ROBO2: variants seen among roughly 807,000 people sequenced by gnomAD.
ROBO2 encodes the protein roundabout guidance receptor 2, also known as roundabout homolog 2.
ROBO2 carries 53 observed loss-of-function variants against 160.8 expected under a neutral mutation model. That is an observed-to-expected ratio of 0.33 (90% CI 0.26 to 0.41). The LOEUF is 0.41. ROBO2 is among the 10% of genes least tolerant of loss of function. The pLI, the probability that ROBO2 is intolerant of heterozygous loss-of-function variation, is 1.00. For synonymous variants in ROBO2, 664 were observed against 611.7 expected (o/e 1.09, Z -1.26); for missense variants, 1,577 against 1,722.4 (o/e 0.92, Z 1.49).
chr3:77,092,292 G>T (rs1256329883), intron 1 of ROBO2: 1 of 151,310 alleles, frequency 6.6e-6, no homozygotes, highest in Non-Finnish European at 1.5e-5. Flanking sequence ...CTTAGAAGAG[G>T]TCTTTGGAAT....
At chr3:77,394,992 CAG>C (rs1336061698) in intron 2 of ROBO2, among the ~76,000 whole-genome samples, 1 of 152,136 alleles carries the variant, frequency 6.6e-6, no homozygotes, top group Non-Finnish European at 1.5e-5. Flanking sequence ...CTCATATTAA[CAG>C]AGTGTTTACA....
chr3:75,925,444 A>G (rs372223941), intron 1 of ROBO2, among the ~76,000 whole-genome samples: 8 of 152,142 alleles, frequency 5.3e-5, no homozygotes, highest in South Asian at 2.1e-4. Flanking sequence ...GAAGGCTACT[A>G]AAGTCATCTA....
intron 2 of ROBO2, among the ~76,000 whole-genome samples, chr3:76,126,304 G>T (rs2070985468): frequency 6.6e-6 from 1 of 152,010 alleles, no homozygotes; most frequent in Non-Finnish European, 1.5e-5. Flanking sequence ...ATTTTGGATG[G>T]CTTCTTAGGA....
chr3:77,464,947 G>T, intron 2 of ROBO2, among the ~76,000 whole-genome samples: 1 of 152,110 alleles, frequency 6.6e-6, no homozygotes, highest in East Asian at 1.9e-4. Flanking sequence ...AGAAATTACT[G>T]AATCTGTATA....
intron 2 of ROBO2, among the ~76,000 whole-genome samples, chr3:76,018,159 A>C (rs2066458120): frequency 6.6e-6 from 1 of 152,052 alleles, no homozygotes; most frequent in Admixed American, 6.6e-5. Context: ...GCAATAGTTA[A>C]AAGGAATAAA....
chr3:77,635,698 A>C (rs2095252215), intron 24 of ROBO2, among the ~76,000 whole-genome samples: 1 of 152,178 alleles, frequency 6.6e-6, no homozygotes, highest in East Asian at 1.9e-4. Flanking sequence ...TCGGTACAGA[A>C]ACACGCTGCA....
At chr3:76,402,602 A>G (rs757978306) in intron 2 of ROBO2, among the ~76,000 whole-genome samples, 3 of 151,590 alleles carry the variant, frequency 2.0e-5, no homozygotes, top group Non-Finnish European at 4.4e-5. Context: ...GGTCTAAGGA[A>G]GAACCCGTTT....
At chr3:77,524,243 G>T (rs1279253675) in intron 6 of ROBO2, among the ~76,000 whole-genome samples, 1 of 150,264 alleles carries the variant, frequency 6.7e-6, no homozygotes, top group Non-Finnish European at 1.5e-5. Flanking sequence ...TTCTTCATTA[G>T]TTAACAGGTC....
At chr3:77,293,236 A>T (rs1367555297) in intron 2 of ROBO2, among the ~76,000 whole-genome samples, 1 of 151,770 alleles carries the variant, frequency 6.6e-6, no homozygotes, top group African/African-American at 2.4e-5. Flanking sequence ...ATCACCCCAG[A>T]CATAAAGTAA....
chr3:75,992,066 GT>G (rs2065588694), intron 2 of ROBO2, among the ~76,000 whole-genome samples: 2 of 152,118 alleles, frequency 1.3e-5, no homozygotes. Context: ...GAGCATAAAA[GT>G]TTGGAAAATT....
chr3:76,368,971 A>G (rs1199310856), intron 2 of ROBO2, among the ~76,000 whole-genome samples: 1 of 151,988 alleles, frequency 6.6e-6, no homozygotes, highest in Non-Finnish European at 1.5e-5. Context: ...ACAAAAATGG[A>G]AACAAAACAA....
chr3:76,725,698 G>A (rs1019846597), intron 2 of ROBO2, among the ~76,000 whole-genome samples: 6 of 152,172 alleles, frequency 3.9e-5, no homozygotes, highest in Non-Finnish European at 8.8e-5. Flanking sequence ...AGCAGCCAAA[G>A]TTCTAGTTGG....
intron 2 of ROBO2, among the ~76,000 whole-genome samples, chr3:77,388,312 G>C (rs1457848275): frequency 1.3e-5 from 2 of 152,142 alleles, no homozygotes; most frequent in Non-Finnish European, 2.9e-5. Flanking sequence ...TACTCAGGAG[G>C]CTGGGGCTGG....
At chr3:77,277,181 T>TTTCTTTCTTTCTTTC (rs1560408523) in intron 2 of ROBO2, among the ~76,000 whole-genome samples, 77 of 100,238 alleles carry the variant, frequency 7.7e-4, no homozygotes, top group African/African-American at 2.7e-3. Flanking sequence ...TCTTTCTTTC[T>TTTCTTTCTTTCTTTC]TTCTTTCTTT....
At chr3:77,195,171 A>T (rs182578728) in intron 2 of ROBO2, among the ~76,000 whole-genome samples, 6 of 152,194 alleles carry the variant, frequency 3.9e-5, no homozygotes, top group Non-Finnish European at 7.4e-5. Context: ...TATAAATCTA[A>T]TATTCTTTTT....
intron 2 of ROBO2, among the ~76,000 whole-genome samples, chr3:76,368,626 C>A (rs1002791914): frequency 6.6e-6 from 1 of 151,936 alleles, no homozygotes; most frequent in African/African-American, 2.4e-5. Context: ...CCCAGACTGA[C>A]CGTTTCAAGA....
At chr3:75,959,890 A>G (rs1332769037) in intron 2 of ROBO2, among the ~76,000 whole-genome samples, 2 of 151,810 alleles carry the variant, frequency 1.3e-5, no homozygotes, top group African/African-American at 2.4e-5. Flanking sequence ...AATTATGTGT[A>G]TAGCAGTTAA....
chr3:77,631,676 A>G lies in ROBO2; in HGVS notation c.3761-3194A>G, dbSNP rs552583850. On this transcript the variant is annotated intron_variant, in intron 23 of 25. Transcript: ENST00000461745. ...AGAAAAAATGTTTCTGAGTATCCTC[A>G]CAACTTACAGCTCTTTAAACGTAAA... is the stretch of plus-strand genomic sequence containing the variant. The G allele has an allele frequency of 3.9e-5, 6 of 152,278 alleles. No homozygotes were observed. The South Asian group carries it at 1.2e-3, about 32-fold the overall frequency. The allele number at this position is 152,278 out of a possible 1,614,324, so 9.4% of individuals were successfully genotyped here. A position where few individuals can be genotyped will look rare whatever the true frequency, so the allele number is the denominator to read the frequency against.
chr3:77,134,197 C>G (rs2076089317), intron 2 of ROBO2, among the ~76,000 whole-genome samples: 2 of 151,478 alleles, frequency 1.3e-5, no homozygotes, highest in African/African-American at 4.8e-5. Flanking sequence ...GGAAAAGAAA[C>G]ATAAAAACAA....
Sources: gnomAD v4.1 joint callset for allele counts (sites outside exome capture counted in the v4.1 genomes callset) on GRCh38, gnomAD v4.1.1 for gene constraint, MANE v1.5 for transcripts, NCBI Gene and HGNC (gene_info 2026-07-23, HGNC 2026-07-21) for gene names.